B3GNT2: variants seen among roughly 807,000 people sequenced by gnomAD.
B3GNT2 encodes N-acetyllactosaminide beta-1,3-N-acetylglucosaminyltransferase 2.
Under a neutral mutation model 27.6 loss-of-function variants are expected in B3GNT2, and 12 were observed. The ratio of observed to expected loss-of-function variants is 0.44; its 90% CI spans 0.28 to 0.71. B3GNT2 has a LOEUF of 0.71. Ranked by LOEUF, B3GNT2 falls within the 30% of genes least tolerant of loss-of-function variation. The pLI, the probability that B3GNT2 is intolerant of heterozygous loss-of-function variation, is 0.17. For missense variants in B3GNT2, 413 were observed against 488.5 expected (o/e 0.85, Z 1.46); for synonymous variants, 192 against 189.7 (o/e 1.01, Z -0.10).
intron 1 of B3GNT2, among the ~76,000 whole-genome samples, chr2:62,216,068 C>A (rs1258277632): frequency 6.6e-6 from 1 of 152,144 alleles, no homozygotes; most frequent in Non-Finnish European, 1.5e-5. Context: ...GCGGGGGAGT[C>A]AGACCCTGCC....
At chr2:62,220,499 G>A (rs1265653486) in intron 1 of B3GNT2, among the ~76,000 whole-genome samples, 2 of 152,146 alleles carry the variant, frequency 1.3e-5, no homozygotes, top group South Asian at 2.1e-4. Flanking sequence ...CTACTTTACC[G>A]TTTGTTAGAA....
At chr2:62,216,600 C>T (rs1028775692) in intron 1 of B3GNT2, among the ~76,000 whole-genome samples, 39 of 151,848 alleles carry the variant, frequency 2.6e-4, no homozygotes, top group Non-Finnish European at 3.7e-4. Flanking sequence ...CATGGGGTCT[C>T]GCTATGTTGC....
Position 62,222,244 on chromosome 2 carries a change from A to G in B3GNT2, c.24A>G (p.Ile8Met), listed in dbSNP as rs1674712966. Residue 8 changes from isoleucine to methionine, a missense_variant, in exon 2 of 2, where the codon ATA becomes ATG. By Grantham distance (10) the Ile-to-Met change is conservative. Coordinates refer to ENST00000301998, the MANE Select transcript of B3GNT2 (RefSeq NM_006577.6). This position sits in a 1 kb window ranked among gnomAD's most constrained non-coding sequence, Gnocchi z 4.2. MSVGRRRIKLLGILMMAN... is the reference protein window; with the variant it reads MSVGRRRMKLLGILMMAN... ...AAATGAGTGTTGGACGTCGAAGAAT[A>G]AAGTTGTTGGGTATCCTGATGATGG... 5.6e-6 allele frequency: 9 copies of G among 1,607,504 alleles called. No individual in the cohort carries two copies. Among genetic ancestry groups the G allele is most frequent in the Non-Finnish European group, 7.6e-6 (9 of 1,177,526 alleles).
intron 1 of B3GNT2, among the ~76,000 whole-genome samples, chr2:62,216,454 G>A (rs980080463): frequency 7.9e-5 from 12 of 151,584 alleles, no homozygotes; most frequent in South Asian, 4.2e-4. Context: ...CACTCAGCCT[G>A]GAGTACGGTG....
At chr2:62,215,903 C>A (rs574278386) in intron 1 of B3GNT2, among the ~76,000 whole-genome samples, 1 of 152,316 alleles carries the variant, frequency 6.6e-6, no homozygotes, top group African/African-American at 2.4e-5. Context: ...TTCACGGTTA[C>A]AAGGAGGCCT....
chr2:62,199,849 C>G (rs1174476216), intron 1 of B3GNT2, among the ~76,000 whole-genome samples: 2 of 152,216 alleles, frequency 1.3e-5, no homozygotes, highest in Non-Finnish European at 2.9e-5. Context: ...ACATTCCTCT[C>G]TCTGGAGAGG....
Position 62,222,673 on chromosome 2 carries a change from C to T in B3GNT2, c.453C>T (p.Leu151=). The change falls in exon 2 of 2, where the codon CTC becomes CTT. Residue 151 remains leucine (L), a synonymous_variant. Transcript: ENST00000301998. The surrounding 1 kb of genome is among the most constrained non-coding windows in gnomAD (Gnocchi z 4.2). The part of the protein sequence containing the change: ...KPFLLLAIKS[L]TPHFARRQAI... The stretch of plus-strand genomic sequence containing the variant: ...TCTTGTTGCTGGCGATTAAGTCCCT[C>T]ACTCCACATTTTGCCAGAAGGCAAG... 6.2e-7 allele frequency: 1 copy of T among 1,614,236 alleles called. No homozygotes were observed. The highest frequency in any genetic ancestry group is 8.5e-7 in the Non-Finnish European group (1 of 1,180,044).
intron 1 of B3GNT2, among the ~76,000 whole-genome samples, chr2:62,212,848 AC>A (rs1036284225): frequency 6.6e-6 from 1 of 152,092 alleles, no homozygotes; most frequent in Non-Finnish European, 1.5e-5. Flanking sequence ...TTTGGTTTCT[AC>A]CTGCTGGTTG....
chr2:62,221,741 T>C, intron 1 of B3GNT2: 1 of 441,436 alleles, frequency 2.3e-6, no homozygotes. Context: ...AAATAGAGTT[T>C]TGTGTATGTA....
At chr2:62,221,430 G>A (rs1674690243) in intron 1 of B3GNT2, among the ~76,000 whole-genome samples, 1 of 151,998 alleles carries the variant, frequency 6.6e-6, no homozygotes, top group South Asian at 2.1e-4. Flanking sequence ...TGCAACCTTG[G>A]GCAAGTGTCT....
chr2:62,220,115 C>G (rs1674661241), intron 1 of B3GNT2, among the ~76,000 whole-genome samples: 1 of 152,248 alleles, frequency 6.6e-6, no homozygotes, highest in Admixed American at 6.5e-5. Context: ...CAATCCTAAT[C>G]TTGTGACCTT....
At chr2:62,206,804 A>G (rs894068865) in intron 1 of B3GNT2, among the ~76,000 whole-genome samples, 4 of 152,202 alleles carry the variant, frequency 2.6e-5, no homozygotes, top group Non-Finnish European at 5.9e-5. Context: ...CTGCTACCCT[A>G]CAAGACTCCA....
intron 1 of B3GNT2, among the ~76,000 whole-genome samples, chr2:62,209,575 T>G (rs185299058): frequency 6.5e-4 from 99 of 152,174 alleles, no homozygotes; most frequent in African/African-American, 2.1e-3. Context: ...GCCCAGGAAT[T>G]CAAGACCAGA....
intron 1 of B3GNT2, among the ~76,000 whole-genome samples, chr2:62,210,430 G>C (rs1163821498): frequency 1.3e-5 from 2 of 152,138 alleles, no homozygotes; most frequent in East Asian, 3.8e-4. Flanking sequence ...TGAAAAGATG[G>C]CATCAATTAA....
Position 62,222,933 on chromosome 2 carries a change from C to G in B3GNT2, c.713C>G (p.Thr238Ser). 1 of 1,614,198 alleles carries G rather than the reference C, an allele frequency of 6.2e-7. No homozygotes were observed. The highest frequency in any genetic ancestry group is 8.5e-7 in the Non-Finnish European group (1 of 1,180,036). ...LRWVSTSCPD[T>S]EFVFKGDDDV... ...TGGGTAAGTACTTCCTGCCCAGACA[C>G]TGAGTTTGTTTTCAAGGGCGATGAC... The change falls in exon 2 of 2, where the codon ACT (threonine) becomes AGT (serine). Residue 238 changes from threonine (T) to serine (S), a missense_variant. Thr to Ser is a moderately conservative substitution (Grantham distance 58). Transcript: ENST00000301998. The surrounding 1 kb of genome is among the most constrained non-coding windows in gnomAD (Gnocchi z 4.2).
chr2:62,222,619 T>G lies in B3GNT2; in HGVS notation c.399T>G (p.Asp133Glu), dbSNP rs775458740. 1.2e-6 allele frequency: 2 copies of G among 1,614,194 alleles called. No individual in the cohort carries two copies. The highest frequency in any genetic ancestry group is 1.7e-6 in the Non-Finnish European group (2 of 1,180,036). Residue 133 changes from aspartate (D) to glutamate (E), a missense_variant, in exon 2 of 2, where the codon GAT becomes GAG. Transcript: ENST00000301998. The surrounding 1 kb of genome is among the most constrained non-coding windows in gnomAD (Gnocchi z 4.2). The part of the protein sequence containing the change: ...LRCRNYSLLI[D>E]QPDKCAKKPF... ...GCCGCAATTATTCACTGCTTATAGA[T>G]CAGCCGGATAAGTGTGCAAAGAAAC...
In B3GNT2 at chr2:62,224,344, A is replaced by C. The variant is rs1333226005; in HGVS notation, c.*930A>C. The C allele has an allele frequency of 6.0e-6, 1 of 167,016 alleles. No homozygotes were observed. Among genetic ancestry groups the C allele is most frequent in the African/African-American group, 2.4e-5 (1 of 41,440 alleles). The allele number at this position is 167,016 out of a possible 1,614,324, so 10.3% of individuals were successfully genotyped here. On this transcript the variant is annotated 3_prime_UTR_variant, in exon 2 of 2. Coordinates refer to ENST00000301998, the MANE Select transcript of B3GNT2 (RefSeq NM_006577.6). ...TTTCACATGCTGCTTATACAAGATT[A>C]TTATTGAGTAGTAACTGCTTCCCTG...
intron 1 of B3GNT2, chr2:62,221,753 G>T (rs1674698174): frequency 2.1e-6 from 1 of 475,978 alleles, no homozygotes; most frequent in Admixed American, 2.3e-5. Flanking sequence ...GTGTATGTAT[G>T]TGTATACTAA....
intron 1 of B3GNT2, among the ~76,000 whole-genome samples, chr2:62,198,948 C>CT (rs543498063): frequency 7.8e-4 from 116 of 149,082 alleles, no homozygotes; most frequent in East Asian, 3.3e-3. Flanking sequence ...ATGTTTTTTT[C>CT]TTTTTTTTTT....
Sources: gnomAD v4.1 joint callset for allele counts (sites outside exome capture counted in the v4.1 genomes callset) on GRCh38, gnomAD v4.1.1 for gene constraint, Gnocchi (gnomAD v3.1) non-coding constraint, MANE v1.5 for transcripts, NCBI Gene and HGNC (gene_info 2026-07-23, HGNC 2026-07-21) for gene names.